Variants in KCNMA1 observed in about 807,000 individuals in gnomAD.
KCNMA1 encodes potassium calcium-activated channel subfamily M alpha 1.
A neutral mutation model predicts 140.0 loss-of-function variants in KCNMA1; 29 were observed. The ratio of observed to expected loss-of-function variants is 0.21; its 90% CI spans 0.15 to 0.28. The LOEUF (loss-of-function observed/expected upper bound fraction) is 0.28, where lower values mean the gene tolerates loss of function less well. Among genes scored for constraint, KCNMA1 ranks in the 10% least tolerant of loss-of-function variants. KCNMA1 has a pLI of 1.00. For missense variants in KCNMA1, 880 were observed against 1,602.2 expected, an observed-to-expected ratio of 0.55 and a Z score of 7.70; for synonymous variants, 612 against 611.9, an observed-to-expected ratio of 1.00 and a Z score of 0.00.
At chr10:77,584,833 C>G (rs922798521) in intron 1 of KCNMA1, among the ~76,000 whole-genome samples, 1 of 152,210 alleles carries the variant, frequency 6.6e-6, no homozygotes, top group Non-Finnish European at 1.5e-5. Flanking sequence ...CCTAAGAAGT[C>G]TCACAGAGAA....
intron 1 of KCNMA1, among the ~76,000 whole-genome samples, chr10:77,525,325 T>G (rs2055164817): frequency 6.6e-6 from 1 of 152,222 alleles, no homozygotes; most frequent in Non-Finnish European, 1.5e-5. Context: ...AATATGTCCT[T>G]ACAGGTTGGA....
chr10:77,147,036 G>A (rs1410475658), intron 5 of KCNMA1, among the ~76,000 whole-genome samples: 1 of 152,208 alleles, frequency 6.6e-6, no homozygotes, highest in Non-Finnish European at 1.5e-5. Context: ...AGAGGAGGGA[G>A]CACAAAAGAA....
chr10:77,229,385 A>G (rs1319350097), intron 3 of KCNMA1, among the ~76,000 whole-genome samples: 2 of 152,090 alleles, frequency 1.3e-5, no homozygotes, highest in Admixed American at 6.5e-5. Context: ...AATACCAAAA[A>G]TAGTAGTAAC....
At position 77,160,755 on chromosome 10, in the gene KCNMA1, G is replaced by A. The variant is rs146311830; in HGVS notation, c.808+22666C>T. On this transcript the variant is annotated intron_variant, in intron 5 of 27. Transcript: ENST00000286628. ...CACATAGTTGAACAGCTGTGGAAAT[G>A]TCATGTCTTATAAATGCACCTAAGT... is the stretch of plus-strand genomic sequence containing the variant. 3.6e-3 allele frequency among the ~76,000 whole-genome samples: 556 copies of A among 152,350 alleles called. 3 individuals carry two copies. The highest frequency in any genetic ancestry group is 0.013 in the African/African-American group (532 of 41,582).
intron 1 of KCNMA1, among the ~76,000 whole-genome samples, chr10:77,436,958 A>ACC: frequency 1.1e-4 from 1 of 8,704 alleles, no homozygotes; most frequent in African/African-American, 2.7e-4. Flanking sequence ...TTCTTTCTTT[A>ACC]CACACACACA....
chr10:77,103,955 C>G (rs1479383612), intron 9 of KCNMA1, among the ~76,000 whole-genome samples: 1 of 152,152 alleles, frequency 6.6e-6, no homozygotes, highest in African/African-American at 2.4e-5. Context: ...AATAGGAGAT[C>G]ACTGAGTTTA....
At position 77,100,802 on chromosome 10, in the gene KCNMA1, G is replaced by A. The variant is rs142421447; in HGVS notation, c.1223+7679C>T. On this transcript the variant is annotated intron_variant, in intron 9 of 27. Transcript: ENST00000286628. ...GGCAAGGATTCACCCAATCAAAGGA[G>A]CCATTGATCAGAATCTTCAGCAATT... Among the ~76,000 whole-genome samples, 764 of 152,302 alleles carry A rather than the reference G, an allele frequency of 5.0e-3. 8 individuals carry two copies. The highest frequency in any genetic ancestry group is 0.018 in the African/African-American group (734 of 41,564).
intron 19 of KCNMA1, chr10:76,995,437 T>G (rs1030556401): frequency 5.1e-6 from 2 of 392,988 alleles, no homozygotes; most frequent in Non-Finnish European, 1.1e-5. Flanking sequence ...GACTTGACAT[T>G]TGCTCCAAGC....
At chr10:77,224,472 A>G (rs1409753856) in intron 3 of KCNMA1, among the ~76,000 whole-genome samples, 1 of 152,186 alleles carries the variant, frequency 6.6e-6, no homozygotes, top group East Asian at 1.9e-4. Context: ...CACTACAAGA[A>G]AGGGGCTGCA....
intron 5 of KCNMA1, among the ~76,000 whole-genome samples, chr10:77,134,997 CA>C (rs71028253): frequency 1.0e-3 from 12 of 11,754 alleles, no homozygotes; most frequent in East Asian, 1.7e-3. Context: ...GACTCTGTCT[CA>C]AAAAAAAAAA....
intron 1 of KCNMA1, among the ~76,000 whole-genome samples, chr10:77,563,699 G>A (rs1322904315): frequency 6.6e-6 from 1 of 152,108 alleles, no homozygotes; most frequent in African/African-American, 2.4e-5. Context: ...CGAACCTCCG[G>A]AATTCTAGCC....
At chr10:76,952,083 G>A in intron 21 of KCNMA1, 1 of 1,552,218 alleles carries the variant, frequency 6.4e-7, no homozygotes, top group South Asian at 1.2e-5. Context: ...TTGAATATCA[G>A]TTGGCATGCA....
chr10:77,079,596 G>T, intron 12 of KCNMA1, 46 bp from the exon 13 acceptor site: 1 of 1,298,094 alleles, frequency 7.7e-7, no homozygotes, highest in Non-Finnish European at 1.1e-6. Flanking sequence ...CCTTATGCAT[G>T]GTGTCTGACA....
chr10:77,521,379 T>C (rs2053328174), intron 1 of KCNMA1, among the ~76,000 whole-genome samples: 1 of 152,244 alleles, frequency 6.6e-6, no homozygotes, highest in East Asian at 1.9e-4. Flanking sequence ...TTTCCTCAGT[T>C]ACCATCCTGG....
At chr10:77,488,511 C>T (rs1327281669) in intron 1 of KCNMA1, among the ~76,000 whole-genome samples, 1 of 152,188 alleles carries the variant, frequency 6.6e-6, no homozygotes. Flanking sequence ...AGCAGCTGAG[C>T]CAGCATCCCC....
At chr10:77,543,735 T>C (rs1297436366) in intron 1 of KCNMA1, among the ~76,000 whole-genome samples, 1 of 152,172 alleles carries the variant, frequency 6.6e-6, no homozygotes, top group East Asian at 1.9e-4. Context: ...GTAGGGGACA[T>C]GCTTGAGACT....
chr10:77,108,754 A>C lies in KCNMA1; in HGVS notation c.1132-182T>G, dbSNP rs2097252792. 1.3e-5 allele frequency among the ~76,000 whole-genome samples: 2 copies of C among 152,248 alleles called. No homozygotes were observed. The highest frequency in any genetic ancestry group is 1.3e-4 in the Admixed American group (2 of 15,288). ...GAAGAGAGCAAGCTCCCAGAAATAC[A>C]CAAGACAAACAAACATTGGCCACCT... On this transcript the variant is annotated intron_variant, in intron 8 of 27. Coordinates refer to ENST00000286628, the MANE Select transcript of KCNMA1 (RefSeq NM_001161352.2). The surrounding 1 kb of genome is among the most constrained non-coding windows in gnomAD (Gnocchi z 4.6).
chr10:77,123,133 T>C (rs2097656397), intron 5 of KCNMA1, among the ~76,000 whole-genome samples: 1 of 126,110 alleles, frequency 7.9e-6, no homozygotes, highest in Non-Finnish European at 1.6e-5. Flanking sequence ...TAAGCCGAGA[T>C]CGCGCCACTG....
intron 3 of KCNMA1, among the ~76,000 whole-genome samples, chr10:77,217,154 A>G (rs1212718305): frequency 6.6e-6 from 1 of 151,868 alleles, no homozygotes; most frequent in Non-Finnish European, 1.5e-5. Flanking sequence ...AAAATACAAA[A>G]ATTAGCTAGG....
Sources: gnomAD v4.1 joint callset for allele counts (sites outside exome capture counted in the v4.1 genomes callset) on GRCh38, gnomAD v4.1.1 for gene constraint, Gnocchi (gnomAD v3.1) non-coding constraint, MANE v1.5 for transcripts, NCBI Gene and HGNC (gene_info 2026-07-23, HGNC 2026-07-21) for gene names.